AGTPBP1: variants seen among roughly 807,000 people sequenced by gnomAD.
AGTPBP1 encodes cytosolic carboxypeptidase 1.
In AGTPBP1, 70 loss-of-function variants were observed where a neutral mutation model predicts 143.9. That is an observed-to-expected ratio of 0.49 (90% CI 0.40 to 0.59). The LOEUF (loss-of-function observed/expected upper bound fraction) is 0.59, where lower values mean the gene tolerates loss of function less well. AGTPBP1 is among the 20% of genes least tolerant of loss of function. The probability of loss-of-function intolerance (pLI) is 0.00; values close to 1 mark genes in which losing one functional copy is unlikely to be tolerated. For synonymous variants in AGTPBP1, 463 were observed against 500.2 expected (o/e 0.93, Z 0.99); for missense variants, 1,229 against 1,464.5 (o/e 0.84, Z 2.62).
At position 85,726,414 on chromosome 9, in the gene AGTPBP1, T is replaced by C. The variant is rs139744393; in HGVS notation, c.-33-13848A>G. Reference sequence around the variant, plus strand: ...AGTTTTTTGCTATGGTCTTAAGTCTTATACATTAACATCTGTGTTTTACAA... The same window carrying C: ...AGTTTTTTGCTATGGTCTTAAGTCTCATACATTAACATCTGTGTTTTACAA... On this transcript the variant is annotated intron_variant, in intron 1 of 25. Transcript: ENST00000357081. 3.2e-3 allele frequency among the ~76,000 whole-genome samples: 484 copies of C among 152,342 alleles called. 4 individuals carry two copies. The highest frequency in any genetic ancestry group is 0.011 in the African/African-American group (447 of 41,578).
chr9:85,663,138 A>G (rs376835995), intron 8 of AGTPBP1, among the ~76,000 whole-genome samples: 61 of 152,184 alleles, frequency 4.0e-4, no homozygotes, highest in African/African-American at 1.4e-3. Flanking sequence ...TAGAGCTCAC[A>G]AGGCAGAATA....
chr9:85,548,830 A>T (rs923422850), intron 25 of AGTPBP1, among the ~76,000 whole-genome samples: 3 of 151,768 alleles, frequency 2.0e-5, no homozygotes, highest in African/African-American at 7.3e-5. Context: ...CCCCACCACC[A>T]TGCCTGGCTA....
intron 1 of AGTPBP1, among the ~76,000 whole-genome samples, chr9:85,722,966 A>T: frequency 6.6e-6 from 1 of 151,792 alleles, no homozygotes; most frequent in Non-Finnish European, 1.5e-5. Context: ...CTGGAGGTCC[A>T]CTCCAGACCC....
intron 1 of AGTPBP1, among the ~76,000 whole-genome samples, chr9:85,729,454 G>C (rs1427602588): frequency 6.6e-6 from 1 of 152,170 alleles, no homozygotes; most frequent in Non-Finnish European, 1.5e-5. Context: ...AAGTTGCTCA[G>C]CACTGGTCTT....
the AGTPBP1 span, among the ~76,000 whole-genome samples, chr9:85,763,185 C>CA: frequency 1.5e-4 from 22 of 150,184 alleles, no homozygotes; most frequent in South Asian, 2.1e-4. Context: ...AAAAAACAAA[C>CA]AAAAAAAAAC....
At chr9:85,761,745 A>G in the AGTPBP1 span, among the ~76,000 whole-genome samples, 3 of 152,224 alleles carry the variant, frequency 2.0e-5, no homozygotes, top group Non-Finnish European at 4.4e-5. Flanking sequence ...CACCAAAAGC[A>G]ATGGCAACAA....
At chr9:85,718,453 T>C (rs536250357) in intron 1 of AGTPBP1, among the ~76,000 whole-genome samples, 4 of 152,364 alleles carry the variant, frequency 2.6e-5, no homozygotes, top group African/African-American at 7.2e-5. Flanking sequence ...GTCTGTTGAC[T>C]GGATAAATGT....
At chr9:85,769,649 C>T in the AGTPBP1 span, among the ~76,000 whole-genome samples, 5 of 151,460 alleles carry the variant, frequency 3.3e-5, no homozygotes, top group African/African-American at 9.7e-5. Context: ...CTTCTAATAA[C>T]ATTTCATAGG....
the AGTPBP1 span, among the ~76,000 whole-genome samples, chr9:85,772,586 A>G: frequency 6.6e-6 from 1 of 152,142 alleles, no homozygotes; most frequent in Non-Finnish European, 1.5e-5. Flanking sequence ...GTCTCTACGA[A>G]AAAATTTTTT....
At chr9:85,685,596 C>G (rs921256939) in intron 3 of AGTPBP1, among the ~76,000 whole-genome samples, 3 of 151,944 alleles carry the variant, frequency 2.0e-5, no homozygotes, top group Non-Finnish European at 4.4e-5. Flanking sequence ...AAAAAAAAAT[C>G]TTCCACAGCC....
intron 8 of AGTPBP1, among the ~76,000 whole-genome samples, chr9:85,665,413 G>A (rs979932789): frequency 6.6e-6 from 1 of 152,166 alleles, no homozygotes; most frequent in Admixed American, 6.5e-5. Context: ...TGGCCCTGCT[G>A]ACAAGTTGAT....
rs942329172 is a variant in AGTPBP1 at position 85,618,915 on chromosome 9, A to T, written c.2335+68T>A. ...TTTTTTAAAAGTTGACAATTTTTTT[A>T]AAAAAACTTCTTTTCCACAGTTAAG... On this transcript the variant is annotated intron_variant, in intron 17 of 25. Coordinates refer to ENST00000357081, the MANE Select transcript of AGTPBP1 (RefSeq NM_001330701.2). The T allele has an allele frequency of 2.1e-5, 31 of 1,481,940 alleles. No homozygotes were observed. In the African/African-American group the frequency reaches 2.3e-4, roughly 11 times the overall value. 91.8% of individuals were successfully genotyped at this position (1,481,940 alleles called of 1,614,324 possible). A position where few individuals can be genotyped will look rare whatever the true frequency, so the allele number is the denominator to read the frequency against.
intron 9 of AGTPBP1, 149 bp from the exon 10 acceptor site, chr9:85,657,792 T>C: frequency 1.8e-6 from 1 of 548,082 alleles, no homozygotes; most frequent in Non-Finnish European, 3.0e-6. Flanking sequence ...TTTATATTTT[T>C]TCTAACAAAA....
intron 1 of AGTPBP1, among the ~76,000 whole-genome samples, chr9:85,724,062 G>A (rs778862022): frequency 4.6e-5 from 7 of 152,052 alleles, no homozygotes; most frequent in Non-Finnish European, 1.0e-4. Flanking sequence ...CGAGGAAGGT[G>A]GATCACTTGA....
At chr9:85,716,767 G>GA (rs1357771534) in intron 1 of AGTPBP1, among the ~76,000 whole-genome samples, 2 of 152,024 alleles carry the variant, frequency 1.3e-5, no homozygotes, top group African/African-American at 4.8e-5. Context: ...ACAGAAGAAG[G>GA]AAAAAACACC....
At chr9:85,754,380 C>T in the AGTPBP1 span, among the ~76,000 whole-genome samples, 4 of 152,084 alleles carry the variant, frequency 2.6e-5, no homozygotes, top group African/African-American at 4.8e-5. Context: ...TTAGTAGAGA[C>T]GGGGTTTCAC....
intron 25 of AGTPBP1, among the ~76,000 whole-genome samples, chr9:85,571,693 C>T (rs560979817): frequency 2.4e-4 from 37 of 152,138 alleles, no homozygotes; most frequent in Non-Finnish European, 3.8e-4. Flanking sequence ...TAAAACTGCG[C>T]TCTACGATAA....
chr9:85,554,023 C>G (rs2118469287), intron 25 of AGTPBP1: 1 of 152,296 alleles, frequency 6.6e-6, no homozygotes, highest in African/African-American at 2.4e-5. Context: ...TCAGGGGTCC[C>G]AAGACCACCA....
chr9:85,732,880 A>G (rs1192121523), intron 1 of AGTPBP1, among the ~76,000 whole-genome samples: 1 of 152,176 alleles, frequency 6.6e-6, no homozygotes, highest in Non-Finnish European at 1.5e-5. Context: ...TTTACAAGAG[A>G]AAAAGTATAT....
Sources: allele counts gnomAD v4.1 joint callset (sites outside exome capture counted in the v4.1 genomes callset), GRCh38; gene constraint gnomAD v4.1.1; transcripts MANE v1.5; gene names NCBI Gene and HGNC (gene_info 2026-07-23, HGNC 2026-07-21).